Variants in CTBS observed in about 807,000 individuals in gnomAD.
CTBS encodes the protein di-N-acetylchitobiase.
CTBS carries 35 observed loss-of-function variants against 44.3 expected under a neutral mutation model. That is an observed-to-expected ratio of 0.79 (90% CI 0.60 to 1.05). The LOEUF is 1.05. Ranked by LOEUF, CTBS falls within the 50% of genes least tolerant of loss-of-function variation. CTBS has a pLI of 0.00. For synonymous variants in CTBS, 143 were observed against 168.0 expected (o/e 0.85, Z 1.15); for missense variants, 458 against 475.3 (o/e 0.96, Z 0.34).
chr1:84,551,030 TG>T lies in CTBS; in HGVS notation c.*3968del. On this transcript the variant is annotated 3_prime_UTR_variant, in exon 7 of 7. Coordinates refer to ENST00000370630, the MANE Select transcript of CTBS (RefSeq NM_004388.3). ...GCCTTAGTTAACTTTGTTTCTCCCA[TG>T]GGACCTTTTGTATAGCAGATGCTTA... The T allele has an allele frequency of 1.0e-6, 1 of 985,344 alleles. No homozygotes were observed. The allele number at this position is 985,344 out of a possible 1,614,324, so 61.0% of individuals were successfully genotyped here. A position where few individuals can be genotyped will look rare whatever the true frequency, so the allele number is the denominator to read the frequency against.
chr1:84,559,704 G>T (rs1024470895), intron 6 of CTBS, among the ~76,000 whole-genome samples: 6 of 152,170 alleles, frequency 3.9e-5, no homozygotes, highest in Non-Finnish European at 5.9e-5. Flanking sequence ...AAAAGAGGAA[G>T]AAAATAGTTA....
At chr1:84,570,828 G>A in intron 1 of CTBS, 108 bp from the exon 2 acceptor site, 1 of 1,087,282 alleles carries the variant, frequency 9.2e-7, no homozygotes, top group Non-Finnish European at 1.3e-6. Flanking sequence ...TGGTGGCAGT[G>A]AGAGTACAAG....
At chr1:84,566,185 T>G (rs1250370000) in intron 3 of CTBS, 173 bp from the exon 4 acceptor site, 4 of 317,032 alleles carry the variant, frequency 1.3e-5, no homozygotes, top group African/African-American at 4.3e-5. Flanking sequence ...TAAGAAATAT[T>G]TTTTGCTTAC....
Position 84,574,408 on chromosome 1 carries a change from C to A in CTBS, c.8G>T (p.Arg3Leu). The A allele has an allele frequency of 6.5e-7, 1 of 1,548,542 alleles. No homozygotes were observed. The highest frequency in any genetic ancestry group is 1.2e-5 in the South Asian group (1 of 83,760). ...GAGGCGCCAGCGTCGAAGCTGCGGC[C>A]GGGACATAGCAGCAGGTCTAGCGGG... is the stretch of plus-strand genomic sequence containing the variant. MS[R>L]PQLRRWRLVS... The change falls in exon 1 of 7, where the codon CGG becomes CTG. Residue 3 changes from arginine (R) to leucine (L), a missense_variant. By Grantham distance (102) the Arg-to-Leu change is moderately radical. Coordinates refer to ENST00000370630, the MANE Select transcript of CTBS (RefSeq NM_004388.3).
At chr1:84,574,146 C>T in intron 1 of CTBS, 93 bp downstream of exon 1, 1 of 1,535,230 alleles carries the variant, frequency 6.5e-7, no homozygotes, top group Non-Finnish European at 8.8e-7. Flanking sequence ...CTGGTTTCGG[C>T]GCCCACGGCA....
At chr1:84,563,989 C>A (rs1220415714) in intron 4 of CTBS, 157 bp from the exon 5 acceptor site, 1 of 508,626 alleles carries the variant, frequency 2.0e-6, no homozygotes, top group Non-Finnish European at 2.5e-6. Context: ...CCTTAAGAAC[C>A]ATAAATTCTA....
At chr1:84,573,206 C>T (rs1172756130) in intron 1 of CTBS, among the ~76,000 whole-genome samples, 1 of 152,140 alleles carries the variant, frequency 6.6e-6, no homozygotes. Flanking sequence ...AATTTTCCAC[C>T]AAGTCATAGC....
chr1:84,567,566 T>C (rs1684723583), intron 3 of CTBS, among the ~76,000 whole-genome samples: 1 of 152,200 alleles, frequency 6.6e-6, no homozygotes, highest in African/African-American at 2.4e-5. Context: ...TCTATAAAAA[T>C]GAGGGTGTAG....
chr1:84,567,719 C>T (rs930259502), intron 3 of CTBS, among the ~76,000 whole-genome samples: 2 of 151,988 alleles, frequency 1.3e-5, no homozygotes, highest in Non-Finnish European at 2.9e-5. Flanking sequence ...GTTTAAAAAC[C>T]TTGGGGCCAT....
Position 84,552,860 on chromosome 1 carries a change from A to C in CTBS, c.*2139T>G. 1.9e-6 allele frequency: 1 copy of C among 534,500 alleles called. No individual in the cohort carries two copies. The allele number at this position is 534,500 out of a possible 1,614,324, so 33.1% of individuals were successfully genotyped here. Reference sequence around the variant, plus strand: ...ACCAGTAGATAAGCATGCTTATTAAACAGCATTCATAATCTACACATTTAC... The same window carrying C: ...ACCAGTAGATAAGCATGCTTATTAACCAGCATTCATAATCTACACATTTAC... On this transcript the variant is annotated 3_prime_UTR_variant, in exon 7 of 7. Coordinates refer to ENST00000370630, the MANE Select transcript of CTBS (RefSeq NM_004388.3).
At position 84,563,292 on chromosome 1, in the gene CTBS, C is replaced by A. The variant is rs1684628554; in HGVS notation, c.922G>T (p.Asp308Tyr). The part of the protein sequence containing the change: ...INSSISGNLW[D>Y]KDQRAPYYNY... ...TAATAAGGAGCCCGCTGATCTTTAT[C>A]CCATAGGTTTCCAGAAATAGAACTA... The change falls in exon 6 of 7, where the codon GAT becomes TAT. Residue 308 changes from aspartate to tyrosine, a missense_variant. Coordinates refer to ENST00000370630, the MANE Select transcript of CTBS (RefSeq NM_004388.3). The A allele has an allele frequency of 3.8e-6, 6 of 1,583,766 alleles. No individual in the cohort carries two copies. In the East Asian group the frequency reaches 1.2e-4, roughly 31 times the overall value.
At chr1:84,574,209 A>T in intron 1 of CTBS, 30 bp downstream of exon 1, 6 of 1,597,588 alleles carry the variant, frequency 3.8e-6, no homozygotes, top group Non-Finnish European at 5.1e-6. Context: ...CCTGAAGCCC[A>T]GACCTAGAGG....
chr1:84,569,564 G>C (rs3768247), intron 3 of CTBS, among the ~76,000 whole-genome samples: 7,435 of 152,238 alleles, frequency 0.049, 236 homozygotes, highest in Admixed American at 0.091. Flanking sequence ...AGAGACTGTA[G>C]AGCAAGTGAT....
In CTBS at chr1:84,574,404, C is replaced by T. The variant is rs1647411778; in HGVS notation, c.12G>A (p.Pro4=). MSR[P]QLRRWRLVSS... is the part of the protein sequence containing the mutation. ...AGACGAGGCGCCAGCGTCGAAGCTG[C>T]GGCCGGGACATAGCAGCAGGTCTAG... The change falls in exon 1 of 7, where the codon CCG becomes CCA. Residue 4 remains proline, a synonymous_variant. Transcript: ENST00000370630. The T allele has an allele frequency of 1.3e-6, 2 of 1,552,254 alleles. No individual in the cohort carries two copies. The highest frequency in any genetic ancestry group is 1.7e-6 in the Non-Finnish European group (2 of 1,150,486).
At chr1:84,560,049 A>C (rs1684556681) in intron 6 of CTBS, among the ~76,000 whole-genome samples, 1 of 146,962 alleles carries the variant, frequency 6.8e-6, no homozygotes, top group Non-Finnish European at 1.5e-5. Context: ...GCGCCACTGC[A>C]CTACAGCCTG....
At chr1:84,567,889 A>G (rs1006396065) in intron 3 of CTBS, among the ~76,000 whole-genome samples, 2 of 152,218 alleles carry the variant, frequency 1.3e-5, no homozygotes, top group Non-Finnish European at 2.9e-5. Flanking sequence ...ATCCAAATCC[A>G]AACTAAATCC....
chr1:84,565,843 GT>G lies in CTBS; in HGVS notation c.694del (p.Thr232LeufsTer9). 1 of 1,522,960 alleles carries G rather than the reference GT, an allele frequency of 6.6e-7. No homozygotes were observed. The highest frequency in any genetic ancestry group is 8.8e-7 in the Non-Finnish European group (1 of 1,136,592). 94.3% of individuals were successfully genotyped at this position (1,522,960 alleles called of 1,614,324 possible). A position where few individuals can be genotyped will look rare whatever the true frequency, so the allele number is the denominator to read the frequency against. On this transcript the variant is annotated frameshift_variant, in exon 4 of 7. Coordinates refer to ENST00000370630, the MANE Select transcript of CTBS (RefSeq NM_004388.3). LOFTEE classifies it high-confidence loss of function. ...AANAPYNQTL[T>X]GYNDYIKMSI... is the part of the protein sequence containing the mutation. ...AATGACCATGTTTAGAGTCTTACCA[GT>G]TAATGTCTGATTATAGGGAGCATTG...
chr1:84,558,879 T>C (rs1203491020), intron 6 of CTBS, among the ~76,000 whole-genome samples: 3 of 151,962 alleles, frequency 2.0e-5, no homozygotes, highest in African/African-American at 7.2e-5. Context: ...CCATCCTGGG[T>C]GACAGAGCAA....
intron 2 of CTBS, among the ~76,000 whole-genome samples, chr1:84,570,371 C>T (rs1647267960): frequency 6.6e-6 from 1 of 152,158 alleles, no homozygotes; most frequent in East Asian, 1.9e-4. Context: ...GCTAATTTGG[C>T]AGTTAACATT....
Sources: gnomAD v4.1 joint callset for allele counts (sites outside exome capture counted in the v4.1 genomes callset) on GRCh38, gnomAD v4.1.1 for gene constraint, MANE v1.5 for transcripts, NCBI Gene and HGNC (gene_info 2026-07-23, HGNC 2026-07-21) for gene names.